MFAP5: variants seen among roughly 807,000 people sequenced by gnomAD.
MFAP5 encodes microfibrillar-associated protein 5.
MFAP5 carries 19 observed loss-of-function variants against 30.1 expected under a neutral mutation model. The ratio of observed to expected loss-of-function variants is 0.63; its 90% CI spans 0.44 to 0.93. The LOEUF is 0.93. Ranked by LOEUF, MFAP5 falls within the 40% of genes least tolerant of loss-of-function variation. The pLI is 0.00. For missense variants in MFAP5, 210 were observed against 221.3 expected, an observed-to-expected ratio of 0.95 and a Z score of 0.32; for synonymous variants, 92 against 72.9, an observed-to-expected ratio of 1.26 and a Z score of -1.33.
chr12:8,649,396 C>T, intron 9 of MFAP5, 105 bp downstream of exon 9: 1 of 991,066 alleles, frequency 1.0e-6, no homozygotes, highest in Non-Finnish European at 1.6e-6. Flanking sequence ...AGGGGGTAGC[C>T]TGAAGCCCTC....
chr12:8,653,018 C>T (rs1333911795), intron 6 of MFAP5, among the ~76,000 whole-genome samples: 3 of 151,802 alleles, frequency 2.0e-5, no homozygotes, highest in African/African-American at 2.4e-5. Context: ...GTTGAAACCC[C>T]GTCTCCACTA....
At chr12:8,654,502 A>G (rs1941928570) in intron 5 of MFAP5, 21 bp from the exon 6 acceptor site, 20 of 1,593,300 alleles carry the variant, frequency 1.3e-5, no homozygotes, top group Non-Finnish European at 1.7e-5. Flanking sequence ...ACAAAACAGC[A>G]GGTATGAGGA....
At chr12:8,657,962 T>C (rs1217779248) in intron 3 of MFAP5, among the ~76,000 whole-genome samples, 2 of 152,190 alleles carry the variant, frequency 1.3e-5, no homozygotes, top group African/African-American at 2.4e-5. Flanking sequence ...ATCAGAGTTA[T>C]GGATAATTAT....
At chr12:8,661,293 T>G (rs1942143513) in intron 2 of MFAP5, among the ~76,000 whole-genome samples, 1 of 152,122 alleles carries the variant, frequency 6.6e-6, no homozygotes, top group African/African-American at 2.4e-5. Flanking sequence ...AGAATTATTT[T>G]TCTCAATCTG....
chr12:8,661,266 C>T (rs774264995), intron 2 of MFAP5, among the ~76,000 whole-genome samples: 3 of 152,070 alleles, frequency 2.0e-5, no homozygotes, highest in Admixed American at 6.6e-5. Context: ...GCTAGCTATG[C>T]TAGTGAACAA....
At position 8,647,515 on chromosome 12, in the gene MFAP5, C is replaced by T. The variant is rs1941714260; in HGVS notation, c.*576G>A. ...GCTAGTAGGATTGTATAATTCTTGA[C>T]TGTGTTGCAGAATCTTACAGGACTA... is the stretch of plus-strand genomic sequence containing the variant. On this transcript the variant is annotated 3_prime_UTR_variant, in exon 10 of 10. Coordinates refer to ENST00000359478, the MANE Select transcript of MFAP5 (RefSeq NM_003480.4). The T allele has an allele frequency of 6.6e-6, 1 of 152,176 alleles. No homozygotes were observed. Among genetic ancestry groups the T allele is most frequent in the Admixed American group, 6.5e-5 (1 of 15,274 alleles). The allele number at this position is 152,176 out of a possible 1,614,324, so 9.4% of individuals were successfully genotyped here.
At chr12:8,648,258 T>G (rs1941739139) in intron 9 of MFAP5, 55 bp from the exon 10 acceptor site, 1 of 1,435,778 alleles carries the variant, frequency 7.0e-7, no homozygotes, top group African/African-American at 1.4e-5. Context: ...ACAAAGGCTC[T>G]TGTTTTAAGG....
intron 3 of MFAP5, among the ~76,000 whole-genome samples, chr12:8,659,733 T>C (rs1363469420): frequency 6.6e-6 from 1 of 152,230 alleles, no homozygotes; most frequent in Non-Finnish European, 1.5e-5. Context: ...AAATATACTG[T>C]ACCCTGGTAT....
intron 7 of MFAP5, 123 bp from the exon 8 acceptor site, chr12:8,650,712 T>C (rs972812245): frequency 3.8e-6 from 3 of 794,410 alleles, no homozygotes; most frequent in Non-Finnish European, 6.1e-6. Flanking sequence ...CTACAGAGAA[T>C]CATTATAAAT....
intron 7 of MFAP5, 57 bp from the exon 8 acceptor site, chr12:8,650,646 A>G: frequency 7.0e-7 from 1 of 1,430,636 alleles, no homozygotes; most frequent in Non-Finnish European, 9.9e-7. Flanking sequence ...GCATAAATGA[A>G]GGATTGAAGG....
chr12:8,656,163 T>C (rs541272576), intron 3 of MFAP5, among the ~76,000 whole-genome samples: 312 of 145,108 alleles, frequency 2.2e-3, no homozygotes, highest in Middle Eastern at 7.6e-3. Flanking sequence ...CGGGTTCACA[T>C]CATTCTCCTG....
chr12:8,662,490 C>G (rs1942184222), intron 1 of MFAP5, 137 bp downstream of exon 1: 1 of 221,280 alleles, frequency 4.5e-6, no homozygotes, highest in South Asian at 6.6e-5. Context: ...CATCAGAATT[C>G]CACGGTTATT....
intron 1 of MFAP5, 91 bp from the exon 2 acceptor site, chr12:8,662,197 C>A: frequency 9.5e-7 from 1 of 1,047,738 alleles, no homozygotes; most frequent in Non-Finnish European, 1.4e-6. Context: ...AGGTCCCTGT[C>A]TCTTTGTCTT....
chr12:8,648,117 C>G lies in MFAP5; in HGVS notation c.496G>C (p.Asp166His). The G allele has an allele frequency of 1.9e-6, 3 of 1,613,916 alleles. No individual in the cohort carries two copies. Among genetic ancestry groups the G allele is most frequent in the Non-Finnish European group, 2.5e-6 (3 of 1,179,868 alleles). The change falls in exon 10 of 10, where the codon GAT becomes CAT. Residue 166 changes from aspartate to histidine, a missense_variant. Physicochemically the swap from Asp to His is moderately conservative, Grantham distance 81. Transcript: ENST00000359478. ...CACAGACCATTGGGTCTCTGCAAAT[C>G]CACATTTTCACAGGGAGGAAGTCGG... ...YFRLPPCENVDLQRPNGL is the reference protein window; with the variant it reads ...YFRLPPCENVHLQRPNGL
rs1395185721 is a variant in MFAP5 at position 8,655,888 on chromosome 12, A to G, written c.95-58T>C. The stretch of plus-strand genomic sequence containing the variant: ...TTCTCTGTCTCCCTGCCACCCTTGC[A>G]CTTCCAGTAAGTTAAATTGCGAAGC... On this transcript the variant is annotated intron_variant, in intron 3 of 9. Coordinates refer to ENST00000359478, the MANE Select transcript of MFAP5 (RefSeq NM_003480.4). The G allele has an allele frequency of 2.7e-6, 4 of 1,483,704 alleles. No individual in the cohort carries two copies. In the African/African-American group the frequency reaches 4.2e-5, roughly 15 times the overall value. 91.9% of individuals were successfully genotyped at this position (1,483,704 alleles called of 1,614,324 possible).
At position 8,655,462 on chromosome 12, in the gene MFAP5, A is replaced by C; in HGVS notation, c.140-15T>G. The C allele has an allele frequency of 6.2e-7, 1 of 1,606,310 alleles. No individual in the cohort carries two copies. The highest frequency in any genetic ancestry group is 2.2e-5 in the East Asian group (1 of 44,802). Reference sequence around the variant, plus strand: ...ATTCACCAGATCTGCAAAGACACATAACAAGGAATGAAAAAATGCAGTCAG... The same window carrying C: ...ATTCACCAGATCTGCAAAGACACATCACAAGGAATGAAAAAATGCAGTCAG... On this transcript the variant is annotated splice_polypyrimidine_tract_variant and intron_variant, in intron 4 of 9. Coordinates refer to ENST00000359478, the MANE Select transcript of MFAP5 (RefSeq NM_003480.4).
At chr12:8,660,567 G>A (rs1392306212) in intron 3 of MFAP5, among the ~76,000 whole-genome samples, 1 of 152,084 alleles carries the variant, frequency 6.6e-6, no homozygotes, top group Non-Finnish European at 1.5e-5. Context: ...TAAGATAGGA[G>A]ATGTGTAAAG....
intron 6 of MFAP5, among the ~76,000 whole-genome samples, chr12:8,653,025 A>C (rs1281442474): frequency 6.6e-6 from 1 of 152,002 alleles, no homozygotes; most frequent in African/African-American, 2.4e-5. Context: ...CCCCGTCTCC[A>C]CTAAAAATAC....
At chr12:8,653,201 A>AAAAAAAG (rs1023691952) in intron 6 of MFAP5, among the ~76,000 whole-genome samples, 27 of 151,752 alleles carry the variant, frequency 1.8e-4, no homozygotes, top group Non-Finnish European at 3.4e-4. Flanking sequence ...TCAAAAAAAA[A>AAAAAAAG]AAAAAAGAAA....
Sources: gnomAD v4.1 joint callset for allele counts (sites outside exome capture counted in the v4.1 genomes callset) on GRCh38, gnomAD v4.1.1 for gene constraint, MANE v1.5 for transcripts, NCBI Gene and HGNC (gene_info 2026-07-23, HGNC 2026-07-21) for gene names.